RPH3A: variants seen among roughly 807,000 people sequenced by gnomAD.
RPH3A encodes rabphilin-3A.
A neutral mutation model predicts 102.2 loss-of-function variants in RPH3A; 48 were observed. That is an observed-to-expected ratio of 0.47 (90% CI 0.37 to 0.60). The LOEUF (loss-of-function observed/expected upper bound fraction) is 0.60. Among genes scored for constraint, RPH3A ranks in the 20% least tolerant of loss-of-function variants. The pLI is 0.00. For missense variants in RPH3A, 781 were observed against 910.1 expected, an observed-to-expected ratio of 0.86 and a Z score of 1.83; for synonymous variants, 310 against 324.3, an observed-to-expected ratio of 0.96 and a Z score of 0.47.
chr12:112,788,170 C>T (rs1174468768), upstream of RPH3A, among the ~76,000 whole-genome samples: 1 of 152,164 alleles, frequency 6.6e-6, no homozygotes, highest in African/African-American at 2.4e-5. Flanking sequence ...CAGGATGGGG[C>T]AAGGTCCCCT....
Position 112,864,486 on chromosome 12 carries a change from G to A in RPH3A, c.231-928G>A, listed in dbSNP as rs968356552. On this transcript the variant is annotated intron_variant, in intron 5 of 21. Transcript: ENST00000389385. ...AAAAAAAATGGATACTATAGGCAGG[G>A]AAAATATAAAAGTGTGTGTGTATGC... Among the ~76,000 whole-genome samples, 4 of 151,588 alleles carry A rather than the reference G, an allele frequency of 2.6e-5. No individual in the cohort carries two copies. In the South Asian group the frequency reaches 8.3e-4, roughly 32 times the overall value.
chr12:112,633,944 C>T (rs954959454), intron 1 of RPH3A, among the ~76,000 whole-genome samples: 1 of 152,180 alleles, frequency 6.6e-6, no homozygotes, highest in Admixed American at 6.5e-5. Flanking sequence ...ATTTTCTGAT[C>T]ATGAGATGGC....
intron 1 of RPH3A, among the ~76,000 whole-genome samples, chr12:112,779,564 A>G (rs1234254419): frequency 6.6e-6 from 1 of 152,202 alleles, no homozygotes; most frequent in Non-Finnish European, 1.5e-5. Context: ...GCTTAGTTTA[A>G]TAATATGATC....
chr12:112,679,056 C>T (rs1302631134), intron 1 of RPH3A, among the ~76,000 whole-genome samples: 4 of 152,292 alleles, frequency 2.6e-5, no homozygotes, highest in Middle Eastern at 3.4e-3. Flanking sequence ...CCACTGCAGG[C>T]TGGAACACAC....
At chr12:112,728,310 A>G (rs992541554) in intron 1 of RPH3A, among the ~76,000 whole-genome samples, 3 of 152,186 alleles carry the variant, frequency 2.0e-5, no homozygotes, top group African/African-American at 7.2e-5. Context: ...GGCAGATCCC[A>G]GCTTTAATTT....
chr12:112,697,649 G>A (rs1188908704), intron 1 of RPH3A, among the ~76,000 whole-genome samples: 1 of 152,142 alleles, frequency 6.6e-6, no homozygotes, highest in Non-Finnish European at 1.5e-5. Flanking sequence ...TGGATCACTC[G>A]AGGTCAGGGG....
intron 1 of RPH3A, among the ~76,000 whole-genome samples, chr12:112,689,076 G>A (rs909435754): frequency 1.3e-5 from 2 of 152,136 alleles, no homozygotes; most frequent in African/African-American, 2.4e-5. Flanking sequence ...TTTTGTAAGA[G>A]CAAATAAACA....
rs143397426 is a variant in RPH3A, at chr12:112,695,948, T to A, written c.-139-96195T>A. Among the ~76,000 whole-genome samples, 3 of 152,364 alleles carry A rather than the reference T, an allele frequency of 2.0e-5. No individual in the cohort carries two copies. The East Asian group carries it at 5.8e-4, about 29-fold the overall frequency. On this transcript the variant is annotated intron_variant, in intron 1 of 21. Transcript: ENST00000543106. ...TTTGGCACACCTATCATCTGAGCAG[T>A]GTACACTGTACCCAATATGTAGTCT...
intron 14 of RPH3A, among the ~76,000 whole-genome samples, chr12:112,879,505 G>C (rs1371819488): frequency 2.0e-5 from 3 of 152,206 alleles, no homozygotes; most frequent in South Asian, 2.1e-4. Flanking sequence ...GATGGTGGAG[G>C]TTCTGCCCAG....
chr12:112,689,546 A>G (rs2040291585), intron 1 of RPH3A, among the ~76,000 whole-genome samples: 2 of 152,208 alleles, frequency 1.3e-5, no homozygotes, highest in African/African-American at 4.8e-5. Flanking sequence ...TTTCATAGGG[A>G]CATTTGATAT....
At chr12:112,759,690 G>A (rs541051538) in intron 1 of RPH3A, among the ~76,000 whole-genome samples, 1 of 152,304 alleles carries the variant, frequency 6.6e-6, no homozygotes, top group South Asian at 2.1e-4. Flanking sequence ...GGACAAATGA[G>A]GAACCTTGGG....
chr12:112,682,071 C>A (rs975968514), intron 1 of RPH3A, among the ~76,000 whole-genome samples: 37 of 152,128 alleles, frequency 2.4e-4, no homozygotes, highest in African/African-American at 8.7e-4. Flanking sequence ...ACATTAGTTT[C>A]TTTTTCTTGT....
At chr12:112,805,523 C>T (rs1178238588) in intron 2 of RPH3A, among the ~76,000 whole-genome samples, 1 of 152,158 alleles carries the variant, frequency 6.6e-6, no homozygotes, top group South Asian at 2.1e-4. Flanking sequence ...GACTCTGCAC[C>T]CGCAGAGGTG....
At chr12:112,721,685 A>C (rs2040551898) in intron 1 of RPH3A, among the ~76,000 whole-genome samples, 1 of 151,656 alleles carries the variant, frequency 6.6e-6, no homozygotes, top group Non-Finnish European at 1.5e-5. Context: ...AGATATTTCA[A>C]CTCAATGGCA....
chr12:112,774,853 A>T (rs149703385), intron 1 of RPH3A, among the ~76,000 whole-genome samples: 1 of 152,196 alleles, frequency 6.6e-6, no homozygotes, highest in Non-Finnish European at 1.5e-5. Context: ...GAAAAATTGC[A>T]TGCTGGGCTT....
At chr12:112,639,191 TAGA>T (rs1336884295) in intron 1 of RPH3A, among the ~76,000 whole-genome samples, 2 of 152,160 alleles carry the variant, frequency 1.3e-5, no homozygotes, top group Admixed American at 1.3e-4. Context: ...GACTGGTAAG[TAGA>T]AGGTGACCTC....
intron 6 of RPH3A, 40 bp downstream of exon 6, chr12:112,865,583 C>T (rs752627425): frequency 3.1e-6 from 5 of 1,601,834 alleles, no homozygotes; most frequent in Admixed American, 3.4e-5. Context: ...TGTGCAGCAC[C>T]TGCAGAGGGG....
chr12:112,813,960 G>C (rs1174822026), intron 2 of RPH3A, among the ~76,000 whole-genome samples: 1 of 151,904 alleles, frequency 6.6e-6, no homozygotes, highest in Non-Finnish European at 1.5e-5. Flanking sequence ...GTGTGTGTGT[G>C]TGTGTGTATA....
intron 1 of RPH3A, among the ~76,000 whole-genome samples, chr12:112,676,676 G>A (rs1001022842): frequency 6.6e-6 from 1 of 152,176 alleles, no homozygotes; most frequent in African/African-American, 2.4e-5. Flanking sequence ...CCCTTTTGCT[G>A]AGAGTAGTAA....
Sources: allele counts gnomAD v4.1 joint callset (sites outside exome capture counted in the v4.1 genomes callset), GRCh38; gene constraint gnomAD v4.1.1; transcripts MANE v1.5; gene names NCBI Gene and HGNC (gene_info 2026-07-23, HGNC 2026-07-21).